Variants in GRIA4 observed in about 807,000 individuals in gnomAD.
The protein encoded by GRIA4 is glutamate ionotropic receptor AMPA type subunit 4.
A neutral mutation model predicts 104.0 loss-of-function variants in GRIA4; 34 were observed. That is an observed-to-expected ratio of 0.33 (90% CI 0.25 to 0.44). The LOEUF (loss-of-function observed/expected upper bound fraction) is 0.44, where lower values mean the gene tolerates loss of function less well. Ranked by LOEUF, GRIA4 falls within the 20% of genes least tolerant of loss-of-function variation. The probability of loss-of-function intolerance (pLI) is 1.00; values close to 1 mark genes in which losing one functional copy is unlikely to be tolerated. For synonymous variants in GRIA4, 386 were observed against 381.9 expected (o/e 1.01, Z -0.13); for missense variants, 750 against 1,096.5 (o/e 0.68, Z 4.46).
At chr11:105,740,632 A>C (rs1939248630) in intron 3 of GRIA4, among the ~76,000 whole-genome samples, 2 of 152,336 alleles carry the variant, frequency 1.3e-5, no homozygotes, top group South Asian at 2.1e-4. Flanking sequence ...TGAAGAAAAT[A>C]ACTGTAGTAA....
chr11:105,859,137 A>G (rs546960879), intron 4 of GRIA4, among the ~76,000 whole-genome samples: 1 of 152,330 alleles, frequency 6.6e-6, no homozygotes, highest in South Asian at 2.1e-4. Context: ...GCAGTATTTT[A>G]TCCTAGTTAC....
chr11:105,887,466 A>C, intron 5 of GRIA4, 53 bp from the exon 6 acceptor site: 1 of 732,330 alleles, frequency 1.4e-6, no homozygotes, highest in South Asian at 1.8e-5. Context: ...ATTTTAAAAT[A>C]ATATTTCAGT....
chr11:105,935,431 G>A (rs1217255830), intron 14 of GRIA4, among the ~76,000 whole-genome samples: 1 of 152,098 alleles, frequency 6.6e-6, no homozygotes, highest in Admixed American at 6.6e-5. Flanking sequence ...CAACTATTCA[G>A]AAACTTAAAC....
At chr11:105,617,588 C>T (rs1174217798) in intron 3 of GRIA4, among the ~76,000 whole-genome samples, 2 of 151,948 alleles carry the variant, frequency 1.3e-5, no homozygotes, top group African/African-American at 4.8e-5. Context: ...TTGAAGAAAA[C>T]AGGGCAAGAC....
At chr11:105,888,216 CT>C (rs1160440138) in intron 6 of GRIA4, among the ~76,000 whole-genome samples, 1 of 147,412 alleles carries the variant, frequency 6.8e-6, no homozygotes, top group Non-Finnish European at 1.5e-5. Context: ...ACCATTTGCC[CT>C]AAGGGCCTGA....
chr11:105,695,627 C>A (rs1169134292), intron 3 of GRIA4, among the ~76,000 whole-genome samples: 1 of 152,142 alleles, frequency 6.6e-6, no homozygotes, highest in Non-Finnish European at 1.5e-5. Flanking sequence ...TCTTTCTTAA[C>A]CTGCAAGGCA....
intron 7 of GRIA4, among the ~76,000 whole-genome samples, chr11:105,899,450 A>G (rs1238667712): frequency 6.6e-6 from 1 of 152,184 alleles, no homozygotes; most frequent in Non-Finnish European, 1.5e-5. Flanking sequence ...GGATATAATT[A>G]TTTTAATGTC....
chr11:105,965,938 C>T (rs779754781), intron 14 of GRIA4: 7 of 1,549,930 alleles, frequency 4.5e-6, no homozygotes, highest in South Asian at 3.4e-5. Context: ...TATGTTTTAT[C>T]GTTTCAAGAA....
chr11:105,720,395 G>A (rs1937709762), intron 3 of GRIA4, among the ~76,000 whole-genome samples: 1 of 151,872 alleles, frequency 6.6e-6, no homozygotes. Flanking sequence ...AAAACAAAAT[G>A]GAAATCTTTC....
At chr11:105,946,746 T>G (rs1471566094) in intron 14 of GRIA4, among the ~76,000 whole-genome samples, 1 of 152,148 alleles carries the variant, frequency 6.6e-6, no homozygotes, top group Non-Finnish European at 1.5e-5. Context: ...AAGCTAGATC[T>G]TGTGTGACTC....
intron 3 of GRIA4, among the ~76,000 whole-genome samples, chr11:105,684,674 A>G (rs1454162664): frequency 6.7e-6 from 1 of 149,252 alleles, no homozygotes; most frequent in Non-Finnish European, 1.5e-5. Flanking sequence ...GTCTTCCTCA[A>G]TCTTATCTCA....
At position 105,971,932 on chromosome 11, in the gene GRIA4, C is replaced by A; in HGVS notation, c.2313C>A (p.Ala771=). 1 of 1,608,530 alleles carries A rather than the reference C, an allele frequency of 6.2e-7. No individual in the cohort carries two copies. Among genetic ancestry groups the A allele is most frequent in the Non-Finnish European group, 8.5e-7 (1 of 1,175,570 alleles). ...CGTGAAGAACTCCTGTAAACCTTGC[C>A]GTTTTGAAACTCAGTGAGGCAGGCG... The part of the protein sequence containing the change: ...GSSLRTPVNL[A]VLKLSEAGVL... Residue 771 remains alanine, a synonymous_variant, in exon 15 of 17, where the codon GCC becomes GCA. Coordinates refer to ENST00000282499, the MANE Select transcript of GRIA4 (RefSeq NM_000829.4).
At chr11:105,915,687 A>C (rs1173456915) in intron 10 of GRIA4, among the ~76,000 whole-genome samples, 2 of 152,204 alleles carry the variant, frequency 1.3e-5, no homozygotes, top group East Asian at 1.9e-4. Flanking sequence ...GAATTTCATT[A>C]AATGAATTTC....
chr11:105,911,338 C>T (rs975407411), intron 10 of GRIA4, among the ~76,000 whole-genome samples: 2 of 151,920 alleles, frequency 1.3e-5, no homozygotes, highest in Non-Finnish European at 2.9e-5. Context: ...TAAAGTCAAA[C>T]ATGCCCTTTA....
At chr11:105,722,002 A>G (rs1004074778) in intron 3 of GRIA4, among the ~76,000 whole-genome samples, 7 of 152,198 alleles carry the variant, frequency 4.6e-5, no homozygotes, top group Non-Finnish European at 1.0e-4. Flanking sequence ...AATCATATGT[A>G]TACTTGTTCT....
intron 3 of GRIA4, among the ~76,000 whole-genome samples, chr11:105,684,857 T>A (rs1264340439): frequency 6.6e-6 from 1 of 151,786 alleles, no homozygotes; most frequent in East Asian, 1.9e-4. Flanking sequence ...AGTGGGTTTT[T>A]AAAAATTATC....
chr11:105,748,883 T>C (rs183702616), intron 3 of GRIA4, among the ~76,000 whole-genome samples: 30 of 152,276 alleles, frequency 2.0e-4, no homozygotes, highest in African/African-American at 7.2e-4. Context: ...ATTAGGTACA[T>C]GAATCTGGAA....
At chr11:105,752,227 A>G (rs1265732293) in intron 3 of GRIA4, among the ~76,000 whole-genome samples, 1 of 151,842 alleles carries the variant, frequency 6.6e-6, no homozygotes, top group Non-Finnish European at 1.5e-5. Flanking sequence ...GAGGCCGTGT[A>G]CCTGTTTCTC....
intron 4 of GRIA4, among the ~76,000 whole-genome samples, chr11:105,844,879 C>T (rs1013999529): frequency 1.6e-4 from 24 of 152,114 alleles, no homozygotes; most frequent in Admixed American, 6.5e-5. Context: ...CAGGCTTCTG[C>T]GGTTTATAGA....
Sources: allele counts gnomAD v4.1 joint callset (sites outside exome capture counted in the v4.1 genomes callset), GRCh38; gene constraint gnomAD v4.1.1; transcripts MANE v1.5; gene names NCBI Gene and HGNC (gene_info 2026-07-23, HGNC 2026-07-21).